Variants in CCDC102B observed in about 807,000 individuals in gnomAD.
CCDC102B encodes the protein coiled-coil domain-containing protein 102B.
Under a neutral mutation model 57.4 loss-of-function variants are expected in CCDC102B, and 75 were observed. The observed-to-expected ratio is 1.31, with a 90% confidence interval of 1.08 to 1.58. The LOEUF (loss-of-function observed/expected upper bound fraction) is 1.58, where lower values mean the gene tolerates loss of function less well. Ranked by LOEUF, CCDC102B falls within the 40% of genes most tolerant of loss-of-function variation. CCDC102B has a pLI of 0.00. For missense variants in CCDC102B, 636 were observed against 582.6 expected (o/e 1.09, Z -0.94); for synonymous variants, 206 against 201.9 (o/e 1.02, Z -0.17).
chr18:68,841,746 A>T (rs8097856), intron 3 of CCDC102B, among the ~76,000 whole-genome samples: 151,256 of 152,230 alleles, frequency 0.99, 75,148 homozygotes, highest in Middle Eastern at 1. Flanking sequence ...TCTTTTCTTT[A>T]CTTTTTGAGA....
chr18:68,967,177 CT>C (rs5825892), intron 6 of CCDC102B, among the ~76,000 whole-genome samples: 152,223 of 152,226 alleles, frequency 1, 76,110 homozygotes, highest in Middle Eastern at 1. Context: ...GAACACCCCT[CT>C]TCCCCTCCTG....
chr18:68,996,711 G>A (rs11151479), intron 6 of CCDC102B, among the ~76,000 whole-genome samples: 130,598 of 152,122 alleles, frequency 0.86, 57,974 homozygotes, highest in Non-Finnish European at 0.97. Flanking sequence ...TTTTGATTTT[G>A]CAGGCTCATA....
intron 2 of CCDC102B, among the ~76,000 whole-genome samples, chr18:68,781,813 A>G (rs2035016361): frequency 6.6e-6 from 1 of 152,148 alleles, no homozygotes; most frequent in East Asian, 1.9e-4. Flanking sequence ...TTTTTTTATA[A>G]TAACATGTAT....
intron 7 of CCDC102B, among the ~76,000 whole-genome samples, chr18:69,024,317 A>G (rs1479972182): frequency 6.6e-6 from 1 of 152,052 alleles, no homozygotes; most frequent in Non-Finnish European, 1.5e-5. Flanking sequence ...GGCTCCTCCA[A>G]AACAGAAGTA....
intron 2 of CCDC102B, among the ~76,000 whole-genome samples, chr18:68,725,930 C>A (rs775188502): frequency 3.3e-5 from 5 of 152,066 alleles, no homozygotes; most frequent in Non-Finnish European, 5.9e-5. Context: ...GGAACCAAGG[C>A]CTTGTACAGA....
At chr18:68,820,681 T>G (rs1404496998) in intron 1 of CCDC102B, among the ~76,000 whole-genome samples, 1 of 145,318 alleles carries the variant, frequency 6.9e-6, no homozygotes, top group Non-Finnish European at 1.6e-5. Context: ...CTTTTAAATA[T>G]CTTTCATTCA....
At chr18:68,797,622 A>C (rs775746373), upstream of CCDC102B, among the ~76,000 whole-genome samples, 1 of 152,114 alleles carries the variant, frequency 6.6e-6, no homozygotes, top group African/African-American at 2.4e-5. Context: ...TGTATACTCA[A>C]ATCTTTTATT....
intron 1 of CCDC102B, among the ~76,000 whole-genome samples, chr18:68,802,744 T>G (rs1271841275): frequency 2.0e-5 from 3 of 152,202 alleles, no homozygotes; most frequent in African/African-American, 7.2e-5. Flanking sequence ...TCTGAATTAA[T>G]ATAAATGACA....
intron 3 of CCDC102B, among the ~76,000 whole-genome samples, chr18:68,840,266 T>C (rs1182349639): frequency 6.6e-6 from 1 of 152,164 alleles, no homozygotes; most frequent in African/African-American, 2.4e-5. Flanking sequence ...ATTATATAAG[T>C]ATATATTATA....
intron 1 of CCDC102B, among the ~76,000 whole-genome samples, chr18:68,835,502 A>G (rs1463115764): frequency 6.6e-6 from 1 of 152,252 alleles, no homozygotes; most frequent in African/African-American, 2.4e-5. Context: ...TTGACACACA[A>G]GAACCATGTC....
intron 6 of CCDC102B, among the ~76,000 whole-genome samples, chr18:69,002,821 A>C (rs371925642): frequency 7.2e-4 from 109 of 152,266 alleles, no homozygotes; most frequent in African/African-American, 2.6e-3. Flanking sequence ...TGAAACAAAA[A>C]TTAGATTCAA....
At chr18:68,846,617 T>C (rs1319010487) in intron 4 of CCDC102B, among the ~76,000 whole-genome samples, 196 bp downstream of exon 4, 1 of 151,584 alleles carries the variant, frequency 6.6e-6, no homozygotes, top group Non-Finnish European at 1.5e-5. Flanking sequence ...GACATCTTGT[T>C]TTTATTTACA....
At chr18:68,902,203 A>G (rs1372830593) in intron 6 of CCDC102B, 1 of 152,116 alleles carries the variant, frequency 6.6e-6, no homozygotes, top group Non-Finnish European at 1.5e-5. Flanking sequence ...AGTCATTTGA[A>G]TTACTTCATG....
intron 6 of CCDC102B, 130 bp downstream of exon 6, chr18:68,897,558 C>T (rs1222491498): frequency 1.5e-5 from 23 of 1,565,418 alleles, no homozygotes; most frequent in Non-Finnish European, 1.8e-5. Flanking sequence ...CCTGATACTC[C>T]TTGCTCTTTT....
chr18:68,723,671 C>A (rs904836525), intron 2 of CCDC102B, among the ~76,000 whole-genome samples: 31 of 152,228 alleles, frequency 2.0e-4, no homozygotes, highest in African/African-American at 7.5e-4. Flanking sequence ...CACACTGATG[C>A]AAGATGTGGA....
chr18:68,868,346 A>G (rs994879126), intron 4 of CCDC102B, among the ~76,000 whole-genome samples: 16 of 152,272 alleles, frequency 1.1e-4, no homozygotes, highest in Non-Finnish European at 2.1e-4. Flanking sequence ...TTAAAGCTAA[A>G]CATAATTCAC....
chr18:68,857,316 AT>A (rs1412193946), intron 4 of CCDC102B, among the ~76,000 whole-genome samples: 755 of 4,924 alleles, frequency 0.15, 127 homozygotes, highest in African/African-American at 0.25. Flanking sequence ...ATATATTTAT[AT>A]ATTATATATA....
chr18:68,998,993 TATATATAGAGAGAGAGAGAGAG>T (rs1401988736), intron 6 of CCDC102B, among the ~76,000 whole-genome samples: 190 of 54,624 alleles, frequency 3.5e-3, no homozygotes, highest in Non-Finnish European at 4.2e-3. Context: ...TATATATATA[TATATATAGAGAGAGAGAGAGAG>T]AGAGAGAGAG....
At chr18:69,034,925 A>C (rs891084661) in intron 7 of CCDC102B, among the ~76,000 whole-genome samples, 19 of 151,912 alleles carry the variant, frequency 1.3e-4, no homozygotes, top group African/African-American at 4.1e-4. Context: ...CTTAGAGAAA[A>C]CTATCTCCAG....
Sources: gnomAD v4.1 joint callset for allele counts (sites outside exome capture counted in the v4.1 genomes callset) on GRCh38, gnomAD v4.1.1 for gene constraint, MANE v1.5 for transcripts, NCBI Gene and HGNC (gene_info 2026-07-23, HGNC 2026-07-21) for gene names.